HMGCLL1: variants seen among roughly 807,000 people sequenced by gnomAD.
HMGCLL1 encodes the protein 3-hydroxymethyl-3-methylglutaryl-CoA lyase, cytoplasmic.
HMGCLL1 carries 36 observed loss-of-function variants against 39.1 expected under a neutral mutation model. That is an observed-to-expected ratio of 0.92 (90% CI 0.71 to 1.22). The LOEUF (loss-of-function observed/expected upper bound fraction) is 1.22. Among genes scored for constraint, HMGCLL1 ranks in the 50% most tolerant of loss-of-function variants. The pLI, the probability that HMGCLL1 is intolerant of heterozygous loss-of-function variation, is 0.00. For synonymous variants in HMGCLL1, 149 were observed against 144.0 expected, an observed-to-expected ratio of 1.03 and a Z score of -0.25; for missense variants, 451 against 416.5, an observed-to-expected ratio of 1.08 and a Z score of -0.72.
intron 3 of HMGCLL1, among the ~76,000 whole-genome samples, chr6:55,521,103 T>C (rs1334970177): frequency 6.6e-6 from 1 of 152,136 alleles, no homozygotes; most frequent in African/African-American, 2.4e-5. Flanking sequence ...CATTTAGATA[T>C]CCTATCATGT....
chr6:55,498,353 C>T (rs1581859698), intron 6 of HMGCLL1, among the ~76,000 whole-genome samples: 1 of 152,036 alleles, frequency 6.6e-6, no homozygotes, highest in Non-Finnish European at 1.5e-5. Flanking sequence ...ATATGTGCCT[C>T]TGTGTGCAAG....
chr6:55,463,300 G>T (rs1764664408), intron 7 of HMGCLL1, among the ~76,000 whole-genome samples: 1 of 152,054 alleles, frequency 6.6e-6, no homozygotes, highest in Non-Finnish European at 1.5e-5. Flanking sequence ...CCAAAGTCAT[G>T]GCATTACAGG....
At chr6:55,652,657 C>T in the HMGCLL1 span, among the ~76,000 whole-genome samples, 1 of 152,036 alleles carries the variant, frequency 6.6e-6, no homozygotes, top group Non-Finnish European at 1.5e-5. Context: ...AACATTGTTC[C>T]TGTTTCACAG....
chr6:55,652,071 T>A, the HMGCLL1 span, among the ~76,000 whole-genome samples: 3 of 152,026 alleles, frequency 2.0e-5, no homozygotes, highest in Non-Finnish European at 2.9e-5. Context: ...TTCGCCTGAT[T>A]TTTTCGTTCT....
intron 7 of HMGCLL1, among the ~76,000 whole-genome samples, chr6:55,487,261 A>G (rs567346551): frequency 7.3e-5 from 11 of 151,652 alleles, no homozygotes; most frequent in African/African-American, 2.7e-4. Context: ...GCCCTGGTCA[A>G]TCTAGTAAAA....
At chr6:55,674,970 A>G in the HMGCLL1 span, among the ~76,000 whole-genome samples, 1 of 152,134 alleles carries the variant, frequency 6.6e-6, no homozygotes, top group Non-Finnish European at 1.5e-5. Context: ...TTAATGTTTG[A>G]AAATATTATT....
the HMGCLL1 span, among the ~76,000 whole-genome samples, chr6:55,646,002 A>T: frequency 3.3e-5 from 5 of 151,938 alleles, no homozygotes; most frequent in Non-Finnish European, 7.4e-5. Context: ...GATAGAAATC[A>T]GCAGCAAAGC....
rs559588242 is a variant in HMGCLL1 at position 55,435,714 on chromosome 6, G to T, written c.971C>A (p.Ala324Asp). The change falls in exon 9 of 9, where the codon GCT becomes GAT. Residue 324 changes from alanine to aspartate, a missense_variant. By Grantham distance (126) the Ala-to-Asp change is moderately radical. Transcript: ENST00000274901. ...VMEAGDFICK[A>D]VNKTTNSKVA... is the part of the protein sequence containing the mutation. ...TTTAGAGTTTGTGGTTTTATTCACA[G>T]CTTTGCAAATAAAGTCACCAGCTTC... 1.2e-6 allele frequency: 2 copies of T among 1,605,830 alleles called. No homozygotes were observed. Among genetic ancestry groups the T allele is most frequent in the Non-Finnish European group, 1.7e-6 (2 of 1,174,864 alleles).
At chr6:55,623,689 A>G in the HMGCLL1 span, among the ~76,000 whole-genome samples, 5 of 149,130 alleles carry the variant, frequency 3.4e-5, no homozygotes, top group African/African-American at 1.2e-4. Flanking sequence ...TATAATACAT[A>G]TATACATATA....
intron 7 of HMGCLL1, among the ~76,000 whole-genome samples, chr6:55,451,583 A>AAAACAAAAAC (rs1554140531): frequency 1.9e-4 from 13 of 66,738 alleles, no homozygotes; most frequent in Non-Finnish European, 2.3e-4. Context: ...AAACAAAAAC[A>AAAACAAAAAC]AAAAAAGTCA....
intron 5 of HMGCLL1, among the ~76,000 whole-genome samples, chr6:55,501,955 A>C (rs1034286158): frequency 1.3e-5 from 2 of 151,714 alleles, no homozygotes; most frequent in Non-Finnish European, 2.9e-5. Context: ...TTTTACCCAG[A>C]CCCGTTCCAA....
chr6:55,584,660 CA>C, the HMGCLL1 span, among the ~76,000 whole-genome samples: 2 of 152,042 alleles, frequency 1.3e-5, no homozygotes, highest in African/African-American at 2.4e-5. Context: ...CTAATTAAAA[CA>C]GGTTGCTATC....
chr6:55,574,383 G>A lies in HMGCLL1; in HGVS notation c.108+4565C>T, dbSNP rs151198266. The stretch of plus-strand genomic sequence containing the variant: ...ATAATAAGTATATAGAAACAAAAAC[G>A]TAAAAGGCAGAGGACAGAAAATGAA... On this transcript the variant is annotated intron_variant, in intron 1 of 8. Transcript: ENST00000274901. Among the ~76,000 whole-genome samples, 11 of 151,778 alleles carry A rather than the reference G, an allele frequency of 7.2e-5. No individual in the cohort carries two copies. In the East Asian group the frequency reaches 1.7e-3, roughly 24 times the overall value.
chr6:55,588,007 T>C, the HMGCLL1 span, among the ~76,000 whole-genome samples: 775 of 151,792 alleles, frequency 5.1e-3, 7 homozygotes, highest in African/African-American at 0.017. Flanking sequence ...AGACAGAAAG[T>C]TAACAAGGAT....
intron 7 of HMGCLL1, among the ~76,000 whole-genome samples, chr6:55,456,408 CACTT>C (rs1245727641): frequency 6.6e-6 from 1 of 152,182 alleles, no homozygotes; most frequent in Non-Finnish European, 1.5e-5. Context: ...AGTGCTATTT[CACTT>C]ACTTCACATA....
intron 5 of HMGCLL1, chr6:55,513,402 T>G (rs560063892): frequency 1.1e-4 from 16 of 152,192 alleles, no homozygotes; most frequent in Admixed American, 4.6e-4. Context: ...ACTCCTAAAT[T>G]TATAGAAATC....
chr6:55,568,883 A>C (rs536458890), intron 1 of HMGCLL1, among the ~76,000 whole-genome samples: 1 of 152,026 alleles, frequency 6.6e-6, no homozygotes, highest in Non-Finnish European at 1.5e-5. Context: ...ACAAACAGCT[A>C]AACTTGGAAG....
chr6:55,520,631 C>T (rs982309312), intron 3 of HMGCLL1, among the ~76,000 whole-genome samples: 3 of 151,756 alleles, frequency 2.0e-5, no homozygotes, highest in African/African-American at 7.3e-5. Flanking sequence ...TGTTATACTT[C>T]AATCTTAATA....
the HMGCLL1 span, among the ~76,000 whole-genome samples, chr6:55,612,087 C>G: frequency 6.6e-6 from 1 of 152,104 alleles, no homozygotes; most frequent in Non-Finnish European, 1.5e-5. Flanking sequence ...AGATGATAAG[C>G]AACTTCAGCA....
Sources: gnomAD v4.1 joint callset for allele counts (sites outside exome capture counted in the v4.1 genomes callset) on GRCh38, gnomAD v4.1.1 for gene constraint, MANE v1.5 for transcripts, NCBI Gene and HGNC (gene_info 2026-07-23, HGNC 2026-07-21) for gene names.